Variants in CSMD1 observed in about 807,000 individuals in gnomAD.
CSMD1 encodes the protein CUB and sushi domain-containing protein 1.
A neutral mutation model predicts 417.5 loss-of-function variants in CSMD1; 213 were observed. That is an observed-to-expected ratio of 0.51 (90% confidence interval 0.46 to 0.57). The LOEUF (loss-of-function observed/expected upper bound fraction) is 0.57, where lower values mean the gene tolerates loss of function less well. Ranked by LOEUF, CSMD1 falls within the 20% of genes least tolerant of loss-of-function variation. The probability of loss-of-function intolerance (pLI) is 0.00; values close to 1 mark genes in which losing one functional copy is unlikely to be tolerated. For missense variants in CSMD1, 6,923 were observed against 4,529.7 expected, an observed-to-expected ratio of 1.53 and a Z score of -15.17; for synonymous variants, 2,862 against 1,736.8, an observed-to-expected ratio of 1.65 and a Z score of -16.11.
At position 4,827,372 on chromosome 8, in the gene CSMD1, C is replaced by G. The variant is rs574192630; in HGVS notation, c.85+166960G>C. Among the ~76,000 whole-genome samples the G allele has an allele frequency of 1.6e-4, 24 of 152,262 alleles. No homozygotes were observed. The South Asian group carries it at 4.6e-3, about 29-fold the overall frequency. On this transcript the variant is annotated intron_variant, in intron 1 of 69. Coordinates refer to ENST00000635120, the MANE Select transcript of CSMD1 (RefSeq NM_033225.6). ...CACTAAGACACACAAAGCCCAGCGG[C>G]TGCTCGAGTTACCTTCCTCGACTTC...
chr8:4,405,051 G>A (rs1471552402), intron 3 of CSMD1, among the ~76,000 whole-genome samples: 1 of 152,170 alleles, frequency 6.6e-6, no homozygotes, highest in Non-Finnish European at 1.5e-5. Context: ...TGACTATGCT[G>A]GACACTTTCT....
At chr8:3,489,842 T>A (rs1402804613) in intron 11 of CSMD1, among the ~76,000 whole-genome samples, 1 of 152,188 alleles carries the variant, frequency 6.6e-6, no homozygotes, top group Non-Finnish European at 1.5e-5. Context: ...TCCCACAAAA[T>A]GGAAACCCAC....
chr8:4,795,252 C>CTTTTTTTTTTTTTTTTTTTTTTT lies in CSMD1; in HGVS notation c.86-157717_86-157695dup, dbSNP rs571984359. Among the ~76,000 whole-genome samples, 11 of 46,252 alleles carry CTTTTTTTTTTTTTTTTTTTTTTT rather than the reference C, an allele frequency of 2.4e-4. 2 individuals carry two copies. Among genetic ancestry groups the CTTTTTTTTTTTTTTTTTTTTTTT allele is most frequent in the Admixed American group, 3.4e-4 (1 of 2,930 alleles). 30.3% of individuals were successfully genotyped at this position (46,252 alleles called of 152,430 possible). A position where few individuals can be genotyped will look rare whatever the true frequency, so the allele number is the denominator to read the frequency against. ...ATTTCTAGGTCTGCTGGTGTCATAGCTTTTTTTTTTTTTTTTTTTTTTTTT... is the reference window on the plus strand; with the variant it reads ...ATTTCTAGGTCTGCTGGTGTCATAGCTTTTTTTTTTTTTTTTTTTTTTTTTTTTTTTTTTTTTTTTTTTTTTTT... On this transcript the variant is annotated intron_variant, in intron 1 of 69. Coordinates refer to ENST00000635120, the MANE Select transcript of CSMD1 (RefSeq NM_033225.6).
At chr8:4,730,078 G>A (rs962059977) in intron 1 of CSMD1, among the ~76,000 whole-genome samples, 2 of 152,072 alleles carry the variant, frequency 1.3e-5, no homozygotes, top group Non-Finnish European at 2.9e-5. Context: ...AAAATAAATT[G>A]TATGACATCT....
intron 1 of CSMD1, among the ~76,000 whole-genome samples, chr8:4,730,078 G>C (rs962059977): frequency 2.8e-4 from 42 of 152,190 alleles, no homozygotes; most frequent in African/African-American, 9.9e-4. Context: ...AAAATAAATT[G>C]TATGACATCT....
At chr8:3,540,414 A>C (rs1183483745) in intron 10 of CSMD1, among the ~76,000 whole-genome samples, 1 of 152,234 alleles carries the variant, frequency 6.6e-6, no homozygotes, top group African/African-American at 2.4e-5. Context: ...TGTAAAACCC[A>C]AAACTATAAA....
intron 12 of CSMD1, among the ~76,000 whole-genome samples, chr8:3,449,690 G>A (rs186357830): frequency 0.011 from 1,664 of 152,064 alleles, 16 homozygotes; most frequent in Non-Finnish European, 0.016. Context: ...GCTAATTTTT[G>A]TATTTTTAGT....
intron 7 of CSMD1, among the ~76,000 whole-genome samples, chr8:3,643,050 T>G (rs2117327432): frequency 6.6e-6 from 1 of 152,174 alleles, no homozygotes; most frequent in East Asian, 1.9e-4. Context: ...AAAAATCCTG[T>G]GCATGTGAGT....
intron 1 of CSMD1, among the ~76,000 whole-genome samples, chr8:4,755,486 T>G (rs1393121910): frequency 1.3e-5 from 2 of 152,222 alleles, no homozygotes; most frequent in East Asian, 3.8e-4. Context: ...GACATTTATT[T>G]TTGGCATAAC....
chr8:4,611,859 C>T (rs1801192626), intron 2 of CSMD1, among the ~76,000 whole-genome samples: 1 of 152,164 alleles, frequency 6.6e-6, no homozygotes, highest in Non-Finnish European at 1.5e-5. Flanking sequence ...GTTTGAAGTG[C>T]CTGCCACCTT....
chr8:3,998,660 T>C (rs1247566934), intron 4 of CSMD1, among the ~76,000 whole-genome samples: 2 of 152,122 alleles, frequency 1.3e-5, no homozygotes, highest in African/African-American at 4.8e-5. Flanking sequence ...AGAAAACAGT[T>C]ACATGAAACT....
At chr8:4,580,053 G>C (rs547192103) in intron 2 of CSMD1, among the ~76,000 whole-genome samples, 1 of 152,174 alleles carries the variant, frequency 6.6e-6, no homozygotes, top group Admixed American at 6.5e-5. Flanking sequence ...ACCTACATGA[G>C]TGTGTTTCTC....
intron 2 of CSMD1, among the ~76,000 whole-genome samples, chr8:4,549,048 TC>T (rs1422974940): frequency 6.6e-6 from 1 of 152,232 alleles, no homozygotes; most frequent in Non-Finnish European, 1.5e-5. Context: ...CTTTTCACAT[TC>T]ATTTAATGTT....
At chr8:3,029,557 A>G in intron 50 of CSMD1, 44 bp from the exon 51 acceptor site, 1 of 1,516,590 alleles carries the variant, frequency 6.6e-7, no homozygotes, top group Non-Finnish European at 8.9e-7. Context: ...TCTTTTTTGG[A>G]AAACATCAGA....
chr8:4,178,322 A>T (rs1798170449), intron 3 of CSMD1, among the ~76,000 whole-genome samples: 1 of 151,644 alleles, frequency 6.6e-6, no homozygotes, highest in African/African-American at 2.4e-5. Flanking sequence ...AGAACCAAAG[A>T]CAAAAACCAC....
intron 5 of CSMD1, among the ~76,000 whole-genome samples, chr8:3,770,255 C>G (rs536091289): frequency 2.0e-5 from 3 of 152,324 alleles, no homozygotes; most frequent in East Asian, 3.9e-4. Flanking sequence ...CAACTGGGCA[C>G]AGTGTCTCAT....
chr8:3,964,830 G>T (rs1000403753), intron 5 of CSMD1, among the ~76,000 whole-genome samples: 8 of 152,050 alleles, frequency 5.3e-5, no homozygotes, highest in Non-Finnish European at 8.8e-5. Flanking sequence ...AATAATACAC[G>T]GTTATTCACT....
chr8:3,064,554 T>G (rs1466361935), intron 49 of CSMD1, among the ~76,000 whole-genome samples: 1 of 152,072 alleles, frequency 6.6e-6, no homozygotes, highest in East Asian at 1.9e-4. Context: ...TCTAGTAGTG[T>G]GAGAATGGAT....
intron 7 of CSMD1, among the ~76,000 whole-genome samples, chr8:3,638,765 A>G (rs1797166985): frequency 6.6e-6 from 1 of 152,140 alleles, no homozygotes; most frequent in Admixed American, 6.5e-5. Context: ...GACCAAACAT[A>G]CCAAGAGAGA....
Sources: allele counts gnomAD v4.1 joint callset (sites outside exome capture counted in the v4.1 genomes callset), GRCh38; gene constraint gnomAD v4.1.1; transcripts MANE v1.5; gene names NCBI Gene and HGNC (gene_info 2026-07-23, HGNC 2026-07-21).